The following LYPLAL1 variants were observed in gnomAD, a reference collection of about 807,000 sequenced individuals.
LYPLAL1 encodes the protein lysophospholipase like 1, also known as lysophospholipase-like protein 1.
Under a neutral mutation model 19.7 loss-of-function variants are expected in LYPLAL1, and 23 were observed. That is an observed-to-expected ratio of 1.17 (90% CI 0.84 to 1.65). LYPLAL1 has a LOEUF of 1.65. Among genes scored for constraint, LYPLAL1 ranks in the 40% most tolerant of loss-of-function variants. The pLI, the probability that LYPLAL1 is intolerant of heterozygous loss-of-function variation, is 0.00. For synonymous variants in LYPLAL1, 119 were observed against 96.3 expected (o/e 1.24, Z -1.38); for missense variants, 355 against 279.4 (o/e 1.27, Z -1.93).
chr1:219,243,631 A>G, the LYPLAL1 span, among the ~76,000 whole-genome samples: 2 of 152,060 alleles, frequency 1.3e-5, no homozygotes, highest in South Asian at 4.1e-4. Flanking sequence ...AAAAAAATTT[A>G]AAAAAGGTCC....
the LYPLAL1 span, chr1:219,273,396 G>A: frequency 6.6e-6 from 1 of 152,048 alleles, no homozygotes; most frequent in African/African-American, 2.4e-5. Context: ...AACCCTCAGT[G>A]TGATATAATT....
chr1:219,180,948 C>T (rs1656223921), intron 2 of LYPLAL1, among the ~76,000 whole-genome samples: 2 of 152,072 alleles, frequency 1.3e-5, no homozygotes, highest in South Asian at 4.1e-4. Context: ...CTTTTTGTTA[C>T]ACAGTTTTAT....
chr1:219,223,359 C>T, the LYPLAL1 span, among the ~76,000 whole-genome samples: 5 of 152,130 alleles, frequency 3.3e-5, no homozygotes, highest in Non-Finnish European at 5.9e-5. Context: ...CAACATTTGC[C>T]ATTGACTTCC....
At chr1:219,201,072 T>G (rs1658057936) in intron 3 of LYPLAL1, among the ~76,000 whole-genome samples, 1 of 152,204 alleles carries the variant, frequency 6.6e-6, no homozygotes, top group African/African-American at 2.4e-5. Context: ...CCAACCATCT[T>G]TAGAAGAATT....
chr1:219,295,944 C>A, the LYPLAL1 span, among the ~76,000 whole-genome samples: 1 of 152,202 alleles, frequency 6.6e-6, no homozygotes, highest in African/African-American at 2.4e-5. Flanking sequence ...TTGACCTACT[C>A]ATTTCCTGCA....
chr1:219,382,127 G>A, the LYPLAL1 span, among the ~76,000 whole-genome samples: 1 of 152,238 alleles, frequency 6.6e-6, no homozygotes, highest in South Asian at 2.1e-4. Flanking sequence ...GAGGAAAGCA[G>A]TCTGAGTATA....
chr1:219,373,341 A>G, the LYPLAL1 span, among the ~76,000 whole-genome samples: 2 of 152,178 alleles, frequency 1.3e-5, no homozygotes, highest in Non-Finnish European at 2.9e-5. Flanking sequence ...AACGCAGTAT[A>G]TTGAGTTGTC....
chr1:219,347,577 T>G, the LYPLAL1 span, among the ~76,000 whole-genome samples: 2 of 152,204 alleles, frequency 1.3e-5, no homozygotes, highest in African/African-American at 4.8e-5. Context: ...CACTTTTTGT[T>G]TTCCCTTTTA....
chr1:219,204,379 C>T (rs1218844248), intron 3 of LYPLAL1, among the ~76,000 whole-genome samples: 1 of 152,162 alleles, frequency 6.6e-6, no homozygotes, highest in Non-Finnish European at 1.5e-5. Flanking sequence ...GTCCAGTGTG[C>T]AGAATATAAG....
chr1:219,289,074 T>TTTTG, the LYPLAL1 span, among the ~76,000 whole-genome samples: 2 of 115,322 alleles, frequency 1.7e-5, no homozygotes, highest in Non-Finnish European at 3.7e-5. Context: ...TTACCTCTTG[T>TTTTG]TTTGTTTTTT....
At chr1:219,254,001 C>G in the LYPLAL1 span, among the ~76,000 whole-genome samples, 1 of 152,060 alleles carries the variant, frequency 6.6e-6, no homozygotes, top group Admixed American at 6.6e-5. Context: ...GTTGACTCTT[C>G]TTGCTGAATT....
the LYPLAL1 span, among the ~76,000 whole-genome samples, chr1:219,381,953 A>G: frequency 6.6e-6 from 1 of 152,018 alleles, no homozygotes; most frequent in African/African-American, 2.4e-5. Context: ...GCAGCTCCCC[A>G]CTCCTTTCTT....
the LYPLAL1 span, among the ~76,000 whole-genome samples, chr1:219,289,367 G>A: frequency 6.6e-6 from 1 of 152,088 alleles, no homozygotes; most frequent in Admixed American, 6.6e-5. Context: ...GTGAAGTGCT[G>A]TATATTTATA....
At chr1:219,369,162 G>T in the LYPLAL1 span, among the ~76,000 whole-genome samples, 1 of 152,140 alleles carries the variant, frequency 6.6e-6, no homozygotes, top group Admixed American at 6.5e-5. Flanking sequence ...CAATAAAAAA[G>T]ACTACTTCAG....
At chr1:219,351,567 A>C in the LYPLAL1 span, among the ~76,000 whole-genome samples, 1 of 152,050 alleles carries the variant, frequency 6.6e-6, no homozygotes, top group Non-Finnish European at 1.5e-5. Context: ...CCTTATGTTC[A>C]CTTTATCCCC....
At chr1:219,393,101 C>T in the LYPLAL1 span, among the ~76,000 whole-genome samples, 1 of 152,140 alleles carries the variant, frequency 6.6e-6, no homozygotes, top group Admixed American at 6.5e-5. Flanking sequence ...TGAGCTAAAG[C>T]TGTAAGGGTT....
the LYPLAL1 span, among the ~76,000 whole-genome samples, chr1:219,397,413 A>G: frequency 6.6e-6 from 1 of 152,132 alleles, no homozygotes; most frequent in East Asian, 1.9e-4. Context: ...TATCAGGGTG[A>G]TGCTGACCTC....
chr1:219,196,262 A>C (rs539184143), intron 3 of LYPLAL1, among the ~76,000 whole-genome samples: 17 of 152,286 alleles, frequency 1.1e-4, no homozygotes, highest in African/African-American at 4.1e-4. Flanking sequence ...ACTGTCTTCC[A>C]CAATCCTTGA....
chr1:219,347,350 A>G, the LYPLAL1 span, among the ~76,000 whole-genome samples: 1 of 152,126 alleles, frequency 6.6e-6, no homozygotes. Context: ...GCTAATTAAC[A>G]ACCAATACCC....
Sources: allele counts gnomAD v4.1 joint callset (sites outside exome capture counted in the v4.1 genomes callset), GRCh38; gene constraint gnomAD v4.1.1; transcripts MANE v1.5; gene names NCBI Gene and HGNC (gene_info 2026-07-23, HGNC 2026-07-21).